Variants in LRIG3 observed in about 807,000 individuals in gnomAD.
LRIG3 encodes the protein leucine rich repeats and immunoglobulin like domains 3.
Under a neutral mutation model 114.5 loss-of-function variants are expected in LRIG3, and 76 were observed. That is an observed-to-expected ratio of 0.66 (90% CI 0.55 to 0.80). The LOEUF (loss-of-function observed/expected upper bound fraction) is 0.80, where lower values mean the gene tolerates loss of function less well. LRIG3 is among the 30% of genes least tolerant of loss of function. LRIG3 has a pLI of 0.00. For missense variants in LRIG3, 1,239 were observed against 1,382.8 expected, an observed-to-expected ratio of 0.90 and a Z score of 1.65; for synonymous variants, 512 against 519.8, an observed-to-expected ratio of 0.98 and a Z score of 0.20.
At chr12:58,905,180 C>A (rs1318336929) in intron 3 of LRIG3, among the ~76,000 whole-genome samples, 1 of 152,104 alleles carries the variant, frequency 6.6e-6, no homozygotes, top group Non-Finnish European at 1.5e-5. Flanking sequence ...CACCTCAGAG[C>A]AATGGGAACT....
chr12:58,918,028 A>G (rs1350001848), intron 1 of LRIG3, among the ~76,000 whole-genome samples: 1 of 152,236 alleles, frequency 6.6e-6, no homozygotes, highest in Non-Finnish European at 1.5e-5. Flanking sequence ...AATATTTACA[A>G]TAAAGAATCC....
Position 58,874,281 on chromosome 12 carries a change from A to G in LRIG3, c.2889T>C (p.Ser963=). 6.2e-7 allele frequency: 1 copy of G among 1,613,968 alleles called. No individual in the cohort carries two copies. Among genetic ancestry groups the G allele is most frequent in the South Asian group, 1.1e-5 (1 of 91,026 alleles). ...GGTAGCACTCCTTTTTCTTTATGTA[A>G]CTGGGCTCATAGTGGTCCATTAAAA... ...RTVLMDHYEP[S]YIKKKECYPC... is the part of the protein sequence containing the mutation. Residue 963 remains serine (S), a synonymous_variant, in exon 18 of 19, where the codon AGT becomes AGC. Transcript: ENST00000320743.
chr12:58,880,727 A>T lies in LRIG3; in HGVS notation c.1655T>A (p.Leu552His). Residue 552 changes from leucine (L) to histidine (H), a missense_variant, in exon 13 of 19, where the codon CTC becomes CAC. Transcript: ENST00000320743. ...HDAEMENYAH[L>H]RAQGGEVMEY... ...CATCACCTCGCCACCTTGGGCCCGG[A>T]GGTGTGCATAATTTTCCATTTCAGC... The T allele has an allele frequency of 6.2e-7, 1 of 1,614,182 alleles. No individual in the cohort carries two copies. Among genetic ancestry groups the T allele is most frequent in the Non-Finnish European group, 8.5e-7 (1 of 1,180,036 alleles).
intron 1 of LRIG3, among the ~76,000 whole-genome samples, chr12:58,915,206 T>C (rs927094966): frequency 7.9e-5 from 12 of 152,236 alleles, no homozygotes; most frequent in African/African-American, 2.9e-4. Context: ...ACACATTGAC[T>C]ATGTGCCTTC....
chr12:58,919,726 T>C lies in LRIG3; in HGVS notation c.236+274A>G, dbSNP rs59316221. Among the ~76,000 whole-genome samples the C allele has an allele frequency of 0.026, 3,882 of 152,216 alleles. 151 individuals are homozygous for C. The highest frequency in any genetic ancestry group is 0.1 in the East Asian group (530 of 5,156). On this transcript the variant is annotated intron_variant, in intron 1 of 18. Coordinates refer to ENST00000320743, the MANE Select transcript of LRIG3 (RefSeq NM_153377.5). ...TTAGGGCGCAGGACTTCATCCCCAA[T>C]CTCTGGCGTCGTTACTGGCCCCCAA... is the stretch of plus-strand genomic sequence containing the variant.
intron 3 of LRIG3, among the ~76,000 whole-genome samples, chr12:58,910,653 C>A (rs1872242758): frequency 6.6e-6 from 1 of 152,082 alleles, no homozygotes; most frequent in Admixed American, 6.6e-5. Context: ...ACCCTAGGTG[C>A]CTCTTTGACA....
chr12:58,900,538 T>G (rs1307332068), intron 3 of LRIG3, among the ~76,000 whole-genome samples: 1 of 152,222 alleles, frequency 6.6e-6, no homozygotes, highest in Non-Finnish European at 1.5e-5. Flanking sequence ...AGAAATTCAA[T>G]GAATGAAACC....
chr12:58,914,436 G>A (rs1314946185), intron 1 of LRIG3, 100 bp from the exon 2 acceptor site: 6 of 894,626 alleles, frequency 6.7e-6, no homozygotes, highest in Non-Finnish European at 1.1e-5. Context: ...GTGAGAGCAG[G>A]AGAAATAATT....
In LRIG3 at chr12:58,874,111, A is replaced by G. The variant is rs1371158258; in HGVS notation, c.3059T>C (p.Leu1020Ser). 1 of 1,614,128 alleles carries G rather than the reference A, an allele frequency of 6.2e-7. No homozygotes were observed. Among genetic ancestry groups the G allele is most frequent in the African/African-American group, 1.3e-5 (1 of 74,946 alleles). ...TGGCTCTGGATTTGCACTAAAATCTAAAGAGGACTTGTTTAGACACAGATT... is the reference window on the plus strand; with the variant it reads ...TGGCTCTGGATTTGCACTAAAATCTGAAGAGGACTTGTTTAGACACAGATT... ...MKNLCLNKSS[L>S]DFSANPEPAS... Residue 1020 changes from leucine to serine, a missense_variant, in exon 18 of 19, where the codon TTA becomes TCA. Leu to Ser is a moderately radical substitution (Grantham distance 145). Transcript: ENST00000320743.
chr12:58,905,206 G>A (rs760219668), intron 3 of LRIG3, among the ~76,000 whole-genome samples: 1 of 152,152 alleles, frequency 6.6e-6, no homozygotes, highest in Non-Finnish European at 1.5e-5. Context: ...AGGGTTTAAG[G>A]AATCATGCAG....
In LRIG3 at chr12:58,877,811, T is replaced by A; in HGVS notation, c.2125A>T (p.Thr709Ser). 6.2e-7 allele frequency: 1 copy of A among 1,613,752 alleles called. No homozygotes were observed. The highest frequency in any genetic ancestry group is 8.5e-7 in the Non-Finnish European group (1 of 1,179,636). Residue 709 changes from threonine to serine, a missense_variant, in exon 15 of 19, where the codon ACC (threonine) becomes TCC (serine). Transcript: ENST00000320743. ...FLRPLLDRTV[T>S]KGETAVLQCI... is the part of the protein sequence containing the mutation. ...TGTAGGACGGCTGTTTCTCCCTTGGTTACAGTTCGGTCCAACAGTGGCCGC... is the reference window on the plus strand; with the variant it reads ...TGTAGGACGGCTGTTTCTCCCTTGGATACAGTTCGGTCCAACAGTGGCCGC...
intron 14 of LRIG3, among the ~76,000 whole-genome samples, chr12:58,878,610 C>G (rs1026884449): frequency 2.0e-5 from 3 of 152,100 alleles, no homozygotes; most frequent in Non-Finnish European, 4.4e-5. Context: ...ATGGAGGGGG[C>G]AGGGATTCAC....
intron 3 of LRIG3, among the ~76,000 whole-genome samples, chr12:58,896,617 G>A (rs144679227): frequency 7.9e-4 from 121 of 152,336 alleles, no homozygotes; most frequent in African/African-American, 2.7e-3. Flanking sequence ...GAAGGTATCT[G>A]CATGCAGCAT....
chr12:58,884,140 TTTAACCA>T (rs1871199785), intron 10 of LRIG3, among the ~76,000 whole-genome samples: 1 of 152,192 alleles, frequency 6.6e-6, no homozygotes, highest in Non-Finnish European at 1.5e-5. Flanking sequence ...AACCTGTGCT[TTTAACCA>T]TTAACCTAAT....
At chr12:58,914,870 A>G (rs1346627373) in intron 1 of LRIG3, among the ~76,000 whole-genome samples, 1 of 152,240 alleles carries the variant, frequency 6.6e-6, no homozygotes, top group Admixed American at 6.5e-5. Flanking sequence ...TTGAGAGGGT[A>G]GAAAACAATC....
intron 15 of LRIG3, 80 bp downstream of exon 15, chr12:58,877,320 A>T: frequency 7.1e-7 from 1 of 1,412,364 alleles, no homozygotes; most frequent in South Asian, 1.3e-5. Flanking sequence ...TCAGACTGCA[A>T]GACACACGTT....
At chr12:58,897,151 G>T (rs550227963) in intron 3 of LRIG3, among the ~76,000 whole-genome samples, 8 of 152,268 alleles carry the variant, frequency 5.3e-5, no homozygotes, top group African/African-American at 1.9e-4. Flanking sequence ...TTCATTAAAA[G>T]AACACATGTT....
In LRIG3 at chr12:58,888,934, C is replaced by T. The variant is rs1376125028; in HGVS notation, c.688G>A (p.Val230Ile). The T allele has an allele frequency of 6.2e-7, 1 of 1,613,468 alleles. No individual in the cohort carries two copies. Among genetic ancestry groups the T allele is most frequent in the East Asian group, 2.2e-5 (1 of 44,860 alleles). Reference sequence around the variant, plus strand: ...AGGCCTTGGAATGTCAGTCCATCTACATTTTTAATCTTGTTTCGGTTCAAT... The same window carrying T: ...AGGCCTTGGAATGTCAGTCCATCTATATTTTTAATCTTGTTTCGGTTCAAT... ...LELNRNKIKN[V>I]DGLTFQGLGA... Residue 230 changes from valine to isoleucine, a missense_variant, in exon 6 of 19, where the codon GTA becomes ATA. Transcript: ENST00000320743.
chr12:58,898,260 A>G (rs1871715349), intron 3 of LRIG3, among the ~76,000 whole-genome samples: 1 of 152,180 alleles, frequency 6.6e-6, no homozygotes, highest in Admixed American at 6.5e-5. Context: ...TTTATCTACT[A>G]CGTTTTTGTG....
Sources: allele counts gnomAD v4.1 joint callset (sites outside exome capture counted in the v4.1 genomes callset), GRCh38; gene constraint gnomAD v4.1.1; transcripts MANE v1.5; gene names NCBI Gene and HGNC (gene_info 2026-07-23, HGNC 2026-07-21).